PPP6C: variants seen among roughly 807,000 people sequenced by gnomAD.
PPP6C encodes the protein serine/threonine-protein phosphatase 6 catalytic subunit.
In PPP6C, 11 loss-of-function variants were observed where a neutral mutation model predicts 39.8. The ratio of observed to expected loss-of-function variants is 0.28; its 90% CI spans 0.17 to 0.46. The LOEUF (loss-of-function observed/expected upper bound fraction) is 0.46, where lower values mean the gene tolerates loss of function less well. Among genes scored for constraint, PPP6C ranks in the 20% least tolerant of loss-of-function variants. The pLI, the probability that PPP6C is intolerant of heterozygous loss-of-function variation, is 1.00. For synonymous variants in PPP6C, 129 were observed against 130.3 expected (o/e 0.99, Z 0.07); for missense variants, 211 against 373.9 (o/e 0.56, Z 3.59).
At chr9:125,181,817 C>G (rs919416162) in intron 1 of PPP6C, among the ~76,000 whole-genome samples, 3 of 152,142 alleles carry the variant, frequency 2.0e-5, no homozygotes, top group African/African-American at 7.2e-5. Context: ...GGTATATACC[C>G]AGTAATGGGA....
intron 4 of PPP6C, among the ~76,000 whole-genome samples, chr9:125,154,298 A>G (rs151212086): frequency 6.6e-6 from 1 of 152,366 alleles, no homozygotes; most frequent in Non-Finnish European, 1.5e-5. Context: ...CTACACACCT[A>G]GGCAATATGA....
chr9:125,154,268 A>T (rs1836017538), intron 4 of PPP6C, among the ~76,000 whole-genome samples: 1 of 152,220 alleles, frequency 6.6e-6, no homozygotes, highest in Non-Finnish European at 1.5e-5. Context: ...TCCTTACATA[A>T]ACCTAGATGG....
chr9:125,171,464 CACACACACACACACATATATATATAT>C (rs1829149318), intron 1 of PPP6C, among the ~76,000 whole-genome samples: 1 of 25,654 alleles, frequency 3.9e-5, no homozygotes, highest in African/African-American at 1.3e-4. Context: ...CACATATACA[CACACACACACACACATATATATATAT>C]ATATATATAT....
chr9:125,185,166 T>C (rs1829499504), intron 1 of PPP6C, among the ~76,000 whole-genome samples: 1 of 152,084 alleles, frequency 6.6e-6, no homozygotes, highest in Non-Finnish European at 1.5e-5. Context: ...TTAATCTCTC[T>C]GAAATCTTTC....
intron 2 of PPP6C, among the ~76,000 whole-genome samples, chr9:125,167,677 T>C (rs185568560): frequency 6.6e-6 from 1 of 151,010 alleles, no homozygotes; most frequent in Non-Finnish European, 1.5e-5. Context: ...CACTCCAGCC[T>C]GGATAACAAG....
chr9:125,175,963 A>G (rs360004), intron 1 of PPP6C, among the ~76,000 whole-genome samples: 80,872 of 151,996 alleles, frequency 0.53, 22,605 homozygotes, highest in East Asian at 0.8. Flanking sequence ...GTCACATAGT[A>G]ATATCAAGGA....
chr9:125,157,699 T>C (rs1295076630), intron 4 of PPP6C, among the ~76,000 whole-genome samples: 1 of 150,612 alleles, frequency 6.6e-6, no homozygotes, highest in Admixed American at 6.6e-5. Flanking sequence ...TTTTTTGGTT[T>C]TTTTTTTTTT....
rs1215936071 is a variant in PPP6C, at chr9:125,189,658, C to G, written c.61G>C (p.Glu21Gln). The change falls in exon 1 of 7, where the codon GAG becomes CAG. Residue 21 changes from glutamate (E) to glutamine (Q), a missense_variant. Transcript: ENST00000373547. ...EIARLCKYLP[E>Q]NDLKRLCDYV... is the part of the protein sequence containing the mutation. The stretch of plus-strand genomic sequence containing the variant: ...ATAGGGCTCACCTTCAGGTCGTTCT[C>G]TGGCAGGTACTTGCACAGCCGCGCT... 2 of 1,612,962 alleles carry G rather than the reference C, an allele frequency of 1.2e-6. No homozygotes were observed. Among genetic ancestry groups the G allele is most frequent in the Non-Finnish European group, 1.7e-6 (2 of 1,179,672 alleles).
intron 1 of PPP6C, among the ~76,000 whole-genome samples, chr9:125,173,560 A>C (rs1829225087): frequency 6.6e-6 from 1 of 151,786 alleles, no homozygotes; most frequent in East Asian, 1.9e-4. Context: ...CTTGGGAAAC[A>C]GGGTGAGACT....
At chr9:125,188,974 A>T in intron 1 of PPP6C, 2 of 1,530,464 alleles carry the variant, frequency 1.3e-6, no homozygotes, top group Admixed American at 3.9e-5. Context: ...TTAAGGAGAA[A>T]GTATTTGTAT....
At chr9:125,183,753 C>G (rs1829466241) in intron 1 of PPP6C, among the ~76,000 whole-genome samples, 1 of 152,152 alleles carries the variant, frequency 6.6e-6, no homozygotes, top group Non-Finnish European at 1.5e-5. Context: ...AACTCTGCCC[C>G]TCGTAACTGC....
intron 2 of PPP6C, among the ~76,000 whole-genome samples, chr9:125,163,424 T>A (rs79820162): frequency 2.0e-5 from 3 of 152,120 alleles, no homozygotes; most frequent in African/African-American, 7.2e-5. Flanking sequence ...TTTACAGATA[T>A]GTTTTTTTGT....
chr9:125,182,667 C>T (rs1032048531), intron 1 of PPP6C, among the ~76,000 whole-genome samples: 2 of 151,200 alleles, frequency 1.3e-5, no homozygotes, highest in African/African-American at 4.9e-5. Context: ...CAGAGTTTCT[C>T]AACCATGGCA....
chr9:125,149,588 AT>A lies in PPP6C; in HGVS notation c.*84del. On this transcript the variant is annotated 3_prime_UTR_variant, in exon 7 of 7. Coordinates refer to ENST00000373547, the MANE Select transcript of PPP6C (RefSeq NM_002721.5). Reference sequence around the variant, plus strand: ...CAGCATTTCAGCAGCAAAGTGCTCAATAAAAAGTATATTGTAGAGGGTAATA... The same window carrying A: ...CAGCATTTCAGCAGCAAAGTGCTCAAAAAAAGTATATTGTAGAGGGTAATA... 1.4e-6 allele frequency: 2 copies of A among 1,423,902 alleles called. No individual in the cohort carries two copies. The highest frequency in any genetic ancestry group is 1.9e-6 in the Non-Finnish European group (2 of 1,061,426). The allele number at this position is 1,423,902 out of a possible 1,614,324, so 88.2% of individuals were successfully genotyped here.
chr9:125,149,951 TAGCA>T (rs774829204), intron 6 of PPP6C, 30 bp from the exon 7 acceptor site: 1 of 1,598,964 alleles, frequency 6.3e-7, no homozygotes, highest in African/African-American at 1.3e-5. Context: ...TGTAAGTACT[TAGCA>T]CTTAAAAAAC....
chr9:125,158,685 A>T (rs1379351012), intron 3 of PPP6C, among the ~76,000 whole-genome samples: 1 of 149,828 alleles, frequency 6.7e-6, no homozygotes, highest in Non-Finnish European at 1.5e-5. Flanking sequence ...TTTTTTTGAG[A>T]CAGTATCACT....
At position 125,147,952 on chromosome 9, in the gene PPP6C, T is replaced by A. The variant is rs960855744; in HGVS notation, c.*1721A>T. ...CCTTTCCACCTGAATTACACTGGGA[T>A]CAGGGCAGTAACACGAAGCTACTGA... On this transcript the variant is annotated 3_prime_UTR_variant, in exon 7 of 7. Transcript: ENST00000373547. The A allele has an allele frequency of 2.1e-5, 4 of 186,192 alleles. No individual in the cohort carries two copies. Among genetic ancestry groups the A allele is most frequent in the African/African-American group, 9.6e-5 (4 of 41,572 alleles). The allele number at this position is 186,192 out of a possible 1,614,324, so 11.5% of individuals were successfully genotyped here.
rs1266093347 is a variant in PPP6C at position 125,148,357 on chromosome 9, T to C, written c.*1316A>G. The C allele has an allele frequency of 6.6e-6, 1 of 152,212 alleles. No individual in the cohort carries two copies. Among genetic ancestry groups the C allele is most frequent in the Non-Finnish European group, 1.5e-5 (1 of 68,018 alleles). The allele number at this position is 152,212 out of a possible 1,614,324, so 9.4% of individuals were successfully genotyped here. On this transcript the variant is annotated 3_prime_UTR_variant, in exon 7 of 7. Transcript: ENST00000373547. ...ACAAAATGTACATTCCAACATCATT[T>C]ATGACTACAGTCATAAGAGATACTG... is the stretch of plus-strand genomic sequence containing the variant.
chr9:125,164,815 T>C (rs1272669560), intron 2 of PPP6C, among the ~76,000 whole-genome samples: 1 of 152,048 alleles, frequency 6.6e-6, no homozygotes, highest in African/African-American at 2.4e-5. Flanking sequence ...CTCGGCTCAC[T>C]GCAACCTCCA....
Sources: gnomAD v4.1 joint callset for allele counts (sites outside exome capture counted in the v4.1 genomes callset) on GRCh38, gnomAD v4.1.1 for gene constraint, MANE v1.5 for transcripts, NCBI Gene and HGNC (gene_info 2026-07-23, HGNC 2026-07-21) for gene names.